WNK3: variants seen among roughly 807,000 people sequenced by gnomAD.
WNK3 encodes WNK lysine deficient protein kinase 3.
WNK3 carries 18 observed loss-of-function variants against 116.7 expected under a neutral mutation model. The ratio of observed to expected loss-of-function variants is 0.15; its 90% CI spans 0.11 to 0.23. The LOEUF is 0.23. Ranked by LOEUF, WNK3 falls within the 10% of genes least tolerant of loss-of-function variation. WNK3 has a pLI of 1.00. For synonymous variants in WNK3, 404 were observed against 469.4 expected (o/e 0.86, Z 1.80); for missense variants, 993 against 1,323.8 (o/e 0.75, Z 3.88).
chrX:54,347,667 TATATATATATACAC>T (rs1204234044), intron 1 of WNK3, among the ~76,000 whole-genome samples: 6 of 99,812 alleles, frequency 6.0e-5, no homozygotes, highest in African/African-American at 2.0e-4. Flanking sequence ...ATAAAAGACA[TATATATATATACAC>T]ATATATATAT....
chrX:54,356,860 C>A (rs183519081), intron 1 of WNK3, among the ~76,000 whole-genome samples: 125 of 110,228 alleles, frequency 1.1e-3, no homozygotes, highest in Non-Finnish European at 2.1e-3. Flanking sequence ...GAGATACTCA[C>A]GTGCAGGATT....
At chrX:54,222,706 G>A (rs949214684) in intron 22 of WNK3, among the ~76,000 whole-genome samples, 15 of 107,277 alleles carry the variant, frequency 1.4e-4, no homozygotes, top group African/African-American at 3.1e-4. Context: ...GCAAAACCTC[G>A]TCTCTACTAA....
chrX:54,201,601 A>T (rs1035092402), intron 23 of WNK3, among the ~76,000 whole-genome samples: 14 of 111,743 alleles, frequency 1.3e-4, no homozygotes, highest in Non-Finnish European at 2.1e-4. Context: ...GGATTTTTTT[A>T]AAAAAATAGA....
At chrX:54,216,088 G>C (rs1030454844) in intron 22 of WNK3, among the ~76,000 whole-genome samples, 2 of 109,522 alleles carry the variant, frequency 1.8e-5, no homozygotes, top group South Asian at 4.0e-4. Context: ...CAGCATGCTC[G>C]TTAAGAGTCA....
intron 1 of WNK3, among the ~76,000 whole-genome samples, chrX:54,340,781 A>G (rs1457658292): frequency 1.8e-5 from 2 of 111,875 alleles, no homozygotes; most frequent in Admixed American, 1.9e-4. Context: ...CAAAACCACA[A>G]TGAAATGCCA....
chrX:54,259,143 T>C (rs183731181), intron 11 of WNK3, 131 bp downstream of exon 11: 222 of 281,887 alleles, frequency 7.9e-4, no homozygotes, highest in Admixed American at 4.5e-3. Context: ...AAAACTATCG[T>C]CTTTATTAAA....
At chrX:54,210,816 T>C (rs2067605209) in intron 22 of WNK3, among the ~76,000 whole-genome samples, 1 of 112,076 alleles carries the variant, frequency 8.9e-6, no homozygotes, top group African/African-American at 3.2e-5. Flanking sequence ...AATCCTAAAA[T>C]TGGACAAAAT....
intron 1 of WNK3, among the ~76,000 whole-genome samples, chrX:54,344,390 A>T (rs1171707551): frequency 9.0e-6 from 1 of 110,991 alleles, no homozygotes; most frequent in Non-Finnish European, 1.9e-5. Flanking sequence ...CAGTGAGCCC[A>T]GATCGCGCCA....
At chrX:54,276,968 C>T (rs981663600) in intron 10 of WNK3, among the ~76,000 whole-genome samples, 2 of 112,217 alleles carry the variant, frequency 1.8e-5, no homozygotes, top group Admixed American at 1.9e-4. Context: ...CCACCTGTCT[C>T]GGCCTCCCAA....
At chrX:54,206,439 A>C (rs1180575766) in intron 22 of WNK3, among the ~76,000 whole-genome samples, 1 of 111,894 alleles carries the variant, frequency 8.9e-6, no homozygotes, top group Non-Finnish European at 1.9e-5. Flanking sequence ...ACCTGGGGTC[A>C]AACCTATCAC....
chrX:54,259,363 T>G, intron 10 of WNK3, 25 bp from the exon 11 acceptor site: 5 of 1,055,897 alleles, frequency 4.7e-6, no homozygotes, highest in Non-Finnish European at 6.4e-6. Context: ...GACATAAAAC[T>G]TGCTATGATA....
At chrX:54,201,491 C>A (rs1237577313) in intron 23 of WNK3, among the ~76,000 whole-genome samples, 1 of 112,075 alleles carries the variant, frequency 8.9e-6, no homozygotes, top group African/African-American at 3.2e-5. Context: ...AGAATATTGA[C>A]GTGAAACACA....
intron 21 of WNK3, among the ~76,000 whole-genome samples, chrX:54,229,199 G>T (rs146369574): frequency 0.01 from 1,151 of 110,302 alleles, 14 homozygotes; most frequent in African/African-American, 0.036. Flanking sequence ...TAAATAAATC[G>T]AAACACATAT....
At chrX:54,313,782 G>A (rs3007025) in intron 2 of WNK3, among the ~76,000 whole-genome samples, 16,292 of 111,789 alleles carry the variant, frequency 0.15, 2,286 homozygotes, top group African/African-American at 0.44. Flanking sequence ...TAGCCAAAAT[G>A]TTGTTGATGT....
At chrX:54,298,417 C>T in intron 6 of WNK3, 23 bp from the exon 7 acceptor site, 2 of 1,085,214 alleles carry the variant, frequency 1.8e-6, no homozygotes, top group Middle Eastern at 2.5e-4. Context: ...ACATATATCT[C>T]ATTATCAGTT....
chrX:54,336,676 A>G (rs2069242482), intron 1 of WNK3, among the ~76,000 whole-genome samples: 1 of 111,521 alleles, frequency 9.0e-6, no homozygotes, highest in Non-Finnish European at 1.9e-5. Flanking sequence ...ATGCCATACA[A>G]TGTAAAACAA....
chrX:54,285,447 G>A (rs1414124231), intron 10 of WNK3, among the ~76,000 whole-genome samples: 1 of 111,956 alleles, frequency 8.9e-6, no homozygotes, highest in Non-Finnish European at 1.9e-5. Context: ...TGACTCTAAC[G>A]GGTGTGGAGA....
At chrX:54,341,909 C>G (rs1449135611) in intron 1 of WNK3, among the ~76,000 whole-genome samples, 1 of 111,642 alleles carries the variant, frequency 9.0e-6, no homozygotes, top group Non-Finnish European at 1.9e-5. Flanking sequence ...AAATCATTGA[C>G]TTTTATATTA....
chrX:54,327,040 A>T (rs2147240009), intron 2 of WNK3, among the ~76,000 whole-genome samples: 1 of 111,417 alleles, frequency 9.0e-6, no homozygotes, highest in South Asian at 3.8e-4. Flanking sequence ...TGGGCAACAG[A>T]GCAAGACCTT....
Sources: allele counts gnomAD v4.1 joint callset (sites outside exome capture counted in the v4.1 genomes callset), GRCh38; gene constraint gnomAD v4.1.1; transcripts MANE v1.5; gene names NCBI Gene and HGNC (gene_info 2026-07-23, HGNC 2026-07-21).